FGGY: variants seen among roughly 807,000 people sequenced by gnomAD.
The protein encoded by FGGY is FGGY carbohydrate kinase domain-containing protein.
FGGY carries 72 observed loss-of-function variants against 71.3 expected under a neutral mutation model. The ratio of observed to expected loss-of-function variants is 1.01; its 90% CI spans 0.84 to 1.23. The LOEUF (loss-of-function observed/expected upper bound fraction) is 1.23, where lower values mean the gene tolerates loss of function less well. FGGY is among the 50% of genes most tolerant of loss of function. FGGY has a pLI of 0.00. For synonymous variants in FGGY, 251 were observed against 250.3 expected, an observed-to-expected ratio of 1.00 and a Z score of -0.02; for missense variants, 668 against 682.3, an observed-to-expected ratio of 0.98 and a Z score of 0.23.
intron 6 of FGGY, among the ~76,000 whole-genome samples, chr1:59,480,172 T>C (rs538746720): frequency 6.6e-6 from 1 of 152,082 alleles, no homozygotes; most frequent in East Asian, 1.9e-4. Flanking sequence ...AATGAAAATC[T>C]AATCTAATCC....
intron 8 of FGGY, among the ~76,000 whole-genome samples, chr1:59,585,959 A>G (rs2096278394): frequency 6.6e-6 from 1 of 152,226 alleles, no homozygotes; most frequent in South Asian, 2.1e-4. Context: ...CAAAACCACA[A>G]TGAGATACCA....
chr1:59,431,001 G>A (rs187664403), intron 5 of FGGY, among the ~76,000 whole-genome samples: 1 of 152,210 alleles, frequency 6.6e-6, no homozygotes, highest in East Asian at 1.9e-4. Flanking sequence ...AACCTTGATG[G>A]CATGCCTTCC....
intron 1 of FGGY, among the ~76,000 whole-genome samples, chr1:59,318,174 T>G (rs2045789320): frequency 6.6e-6 from 1 of 152,222 alleles, no homozygotes; most frequent in African/African-American, 2.4e-5. Context: ...TAGGACTTAT[T>G]TTCCTCATCA....
rs1198151394 is a variant in FGGY at position 59,488,919 on chromosome 1, A to G, written c.671-23392A>G. 3.3e-5 allele frequency among the ~76,000 whole-genome samples: 5 copies of G among 152,108 alleles called. No homozygotes were observed. The South Asian group carries it at 6.2e-4, about 19-fold the overall frequency. Reference sequence around the variant, plus strand: ...TGCCAAATTGCATTTCCAACAGTCCATAAGATTATAAAGCAATGGAAAATA... The same window carrying G: ...TGCCAAATTGCATTTCCAACAGTCCGTAAGATTATAAAGCAATGGAAAATA... On this transcript the variant is annotated intron_variant, in intron 6 of 15. Coordinates refer to ENST00000303721, the MANE Select transcript of FGGY (RefSeq NM_018291.5).
intron 7 of FGGY, among the ~76,000 whole-genome samples, chr1:59,531,111 G>A (rs563585010): frequency 1.2e-3 from 181 of 152,298 alleles, no homozygotes; most frequent in African/African-American, 4.2e-3. Flanking sequence ...GACAATGATG[G>A]CATGGCACTA....
At chr1:59,535,472 C>G (rs1415505418) in intron 7 of FGGY, among the ~76,000 whole-genome samples, 2 of 152,110 alleles carry the variant, frequency 1.3e-5, no homozygotes, top group African/African-American at 4.8e-5. Flanking sequence ...CAGCTCTGCA[C>G]CAAGGAGACC....
At chr1:59,717,136 A>G (rs1310744787) in intron 14 of FGGY, among the ~76,000 whole-genome samples, 10 of 152,226 alleles carry the variant, frequency 6.6e-5, no homozygotes, top group Non-Finnish European at 1.5e-4. Context: ...CTTAGATTAT[A>G]GCAATCAAAG....
chr1:59,483,422 AT>A (rs1418922357), intron 6 of FGGY, among the ~76,000 whole-genome samples: 2 of 152,174 alleles, frequency 1.3e-5, no homozygotes, highest in African/African-American at 4.8e-5. Flanking sequence ...AAAACAGATG[AT>A]TAATTTATTG....
At chr1:59,405,048 A>G (rs2062536703) in intron 5 of FGGY, among the ~76,000 whole-genome samples, 4 of 152,210 alleles carry the variant, frequency 2.6e-5, no homozygotes, top group Admixed American at 2.0e-4. Flanking sequence ...CATTTTAAAG[A>G]TGCTTGTTAA....
intron 14 of FGGY, among the ~76,000 whole-genome samples, chr1:59,707,690 C>A (rs958546012): frequency 3.3e-5 from 5 of 152,172 alleles, no homozygotes; most frequent in Non-Finnish European, 7.4e-5. Context: ...ATGGCTGAGT[C>A]TGTTGCTGTT....
At position 59,638,382 on chromosome 1, in the gene FGGY, A is replaced by T. The variant is rs116391631; in HGVS notation, c.1221+7A>T. On this transcript the variant is annotated splice_region_variant and intron_variant, in intron 11 of 15. Transcript: ENST00000303721. ...TCTGACACTAAAGGGCATGGTAAGTAACAGCTAGTCCTTGCACATGGGTGA... is the reference window on the plus strand; with the variant it reads ...TCTGACACTAAAGGGCATGGTAAGTTACAGCTAGTCCTTGCACATGGGTGA... 170 of 1,614,192 alleles carry T rather than the reference A, an allele frequency of 1.1e-4. No individual in the cohort carries two copies. In the African/African-American group the frequency reaches 2.0e-3, roughly 19 times the overall value.
intron 10 of FGGY, among the ~76,000 whole-genome samples, chr1:59,627,152 G>A (rs899410409): frequency 1.3e-5 from 2 of 151,706 alleles, no homozygotes; most frequent in African/African-American, 4.8e-5. Flanking sequence ...TTACAAAGGG[G>A]GTTGGGAAAA....
At chr1:59,751,306 C>A (rs1430912552) in intron 14 of FGGY, among the ~76,000 whole-genome samples, 1 of 152,094 alleles carries the variant, frequency 6.6e-6, no homozygotes, top group Non-Finnish European at 1.5e-5. Flanking sequence ...AAGCTTAAAC[C>A]AGTAAAATGG....
At chr1:59,566,286 G>C (rs2095871785) in intron 8 of FGGY, among the ~76,000 whole-genome samples, 1 of 152,108 alleles carries the variant, frequency 6.6e-6, no homozygotes, top group Non-Finnish European at 1.5e-5. Context: ...AGCTCATTTA[G>C]TTCTACATAC....
chr1:59,576,063 A>G (rs2096070379), intron 8 of FGGY, among the ~76,000 whole-genome samples: 3 of 152,148 alleles, frequency 2.0e-5, no homozygotes, highest in Non-Finnish European at 4.4e-5. Flanking sequence ...ATTATGCTGA[A>G]CAGTTGTGGT....
chr1:59,753,376 G>A lies in FGGY; in HGVS notation c.1513-4555G>A, dbSNP rs112995817. 5.9e-3 allele frequency among the ~76,000 whole-genome samples: 887 copies of A among 149,678 alleles called. 3 individuals carry two copies. The highest frequency in any genetic ancestry group is 0.02 in the South Asian group (93 of 4,732). ...CACTGATTCTCAGGGTATTCTCCAC[G>A]TTGTGTCAGGGACCCATAATGAGCC... On this transcript the variant is annotated intron_variant, in intron 14 of 15. Transcript: ENST00000303721.
intron 14 of FGGY, among the ~76,000 whole-genome samples, chr1:59,704,199 C>T (rs1025481275): frequency 9.7e-4 from 147 of 152,192 alleles, no homozygotes; most frequent in African/African-American, 3.3e-3. Flanking sequence ...CCATTCCTAT[C>T]AGCAGAAGAG....
At chr1:59,507,585 C>A (rs1443735009) in intron 6 of FGGY, among the ~76,000 whole-genome samples, 1 of 151,512 alleles carries the variant, frequency 6.6e-6, no homozygotes, top group Non-Finnish European at 1.5e-5. Flanking sequence ...GGCGCAATCT[C>A]GGCTTACTGC....
intron 2 of FGGY, among the ~76,000 whole-genome samples, chr1:59,322,478 T>C (rs115090192): frequency 1.3e-5 from 2 of 152,126 alleles, no homozygotes; most frequent in East Asian, 3.8e-4. Context: ...AAAGTCCAAT[T>C]GTATCATTCC....
Sources: gnomAD v4.1 joint callset for allele counts (sites outside exome capture counted in the v4.1 genomes callset) on GRCh38, gnomAD v4.1.1 for gene constraint, MANE v1.5 for transcripts, NCBI Gene and HGNC (gene_info 2026-07-23, HGNC 2026-07-21) for gene names.